The following CADPS variants were observed in gnomAD, a reference collection of about 807,000 sequenced individuals.
CADPS encodes the protein calcium-dependent secretion activator 1.
CADPS carries 57 observed loss-of-function variants against 167.3 expected under a neutral mutation model. The ratio of observed to expected loss-of-function variants is 0.34; its 90% CI spans 0.28 to 0.42. The LOEUF (loss-of-function observed/expected upper bound fraction) is 0.42. CADPS is among the 20% of genes least tolerant of loss of function. CADPS has a pLI of 1.00. For missense variants in CADPS, 1,414 were observed against 1,738.1 expected (o/e 0.81, Z 3.32); for synonymous variants, 676 against 635.3 (o/e 1.06, Z -0.96).
intron 3 of CADPS, among the ~76,000 whole-genome samples, chr3:62,717,017 T>G (rs1274584329): frequency 6.6e-6 from 1 of 152,216 alleles, no homozygotes; most frequent in Non-Finnish European, 1.5e-5. Context: ...AACTTCTTGG[T>G]GGCAGGGCAG....
intron 13 of CADPS, among the ~76,000 whole-genome samples, chr3:62,521,466 CTTTTG>C (rs1297822578): frequency 6.6e-5 from 10 of 152,130 alleles, no homozygotes; most frequent in African/African-American, 2.4e-4. Flanking sequence ...AGACGCCATG[CTTTTG>C]TTTTGTCTTT....
In CADPS at chr3:62,414,273, G is replaced by T. The variant is rs563736951; in HGVS notation, c.3778-11088C>A. Among the ~76,000 whole-genome samples, 22 of 152,250 alleles carry T rather than the reference G, an allele frequency of 1.4e-4. No individual in the cohort carries two copies. In the Middle Eastern group the frequency reaches 0.02, roughly 141 times the overall value. ...AATTTTTCAAGCCAGATCTGCTCAAGCAATACTCAGCCCTGAGACCCCAGT... is the reference window on the plus strand; with the variant it reads ...AATTTTTCAAGCCAGATCTGCTCAATCAATACTCAGCCCTGAGACCCCAGT... On this transcript the variant is annotated intron_variant, in intron 28 of 29. Coordinates refer to ENST00000383710, the MANE Select transcript of CADPS (RefSeq NM_003716.4).
chr3:62,582,108 C>A (rs1275186186), intron 8 of CADPS, among the ~76,000 whole-genome samples: 5 of 152,140 alleles, frequency 3.3e-5, no homozygotes, highest in Non-Finnish European at 7.3e-5. Context: ...TTAGAAAAAA[C>A]CTTAACATGG....
At chr3:62,607,522 T>C (rs2060854250) in intron 6 of CADPS, among the ~76,000 whole-genome samples, 2 of 152,156 alleles carry the variant, frequency 1.3e-5, no homozygotes. Flanking sequence ...CACTTGAGTG[T>C]CCCCAACATT....
At chr3:62,473,914 A>G (rs1260456357) in intron 24 of CADPS, 3 of 343,914 alleles carry the variant, frequency 8.7e-6, no homozygotes, top group Non-Finnish European at 1.6e-5. Context: ...GTCAAACTTC[A>G]TTTAGCTTAG....
intron 1 of CADPS, among the ~76,000 whole-genome samples, chr3:62,866,655 A>G (rs1460178304): frequency 6.6e-6 from 1 of 152,072 alleles, no homozygotes; most frequent in Non-Finnish European, 1.5e-5. Flanking sequence ...GGTGAGGACG[A>G]CATTTTGCAA....
intron 13 of CADPS, among the ~76,000 whole-genome samples, chr3:62,531,442 C>G (rs957091902): frequency 1.3e-5 from 2 of 152,116 alleles, no homozygotes; most frequent in Non-Finnish European, 2.9e-5. Context: ...GTTAAATATT[C>G]AAACCTATGA....
intron 1 of CADPS, among the ~76,000 whole-genome samples, chr3:62,789,909 C>T (rs2092785296): frequency 6.6e-6 from 1 of 152,014 alleles, no homozygotes; most frequent in South Asian, 2.1e-4. Context: ...TTATTGAGGG[C>T]CCACTATGTG....
intron 17 of CADPS, among the ~76,000 whole-genome samples, chr3:62,503,482 G>C (rs1237995791): frequency 6.6e-6 from 1 of 152,210 alleles, no homozygotes; most frequent in Non-Finnish European, 1.5e-5. Flanking sequence ...TTGTGAGAAG[G>C]CTGCAATTAA....
chr3:62,498,138 T>A (rs2065123087), intron 18 of CADPS: 1 of 456,432 alleles, frequency 2.2e-6, no homozygotes, highest in South Asian at 1.5e-5. Context: ...TTCGGTTTAG[T>A]CACATACCTC....
chr3:62,428,277 C>G (rs1412460271), intron 28 of CADPS, among the ~76,000 whole-genome samples: 2 of 144,826 alleles, frequency 1.4e-5, no homozygotes, highest in East Asian at 4.0e-4. Context: ...TAACTTGCAG[C>G]CACCTGGTGG....
At chr3:62,648,941 A>G (rs2069298646) in intron 5 of CADPS, among the ~76,000 whole-genome samples, 1 of 152,136 alleles carries the variant, frequency 6.6e-6, no homozygotes. Flanking sequence ...AGTACTCTAT[A>G]TTTAATTGAA....
At chr3:62,506,069 A>G (rs2066623880) in intron 17 of CADPS, among the ~76,000 whole-genome samples, 1 of 152,202 alleles carries the variant, frequency 6.6e-6, no homozygotes, top group South Asian at 2.1e-4. Context: ...CCAGAGAATA[A>G]CATCAGGTTT....
At chr3:62,822,537 T>C (rs1443940774) in intron 1 of CADPS, among the ~76,000 whole-genome samples, 1 of 151,972 alleles carries the variant, frequency 6.6e-6, no homozygotes, top group African/African-American at 2.4e-5. Flanking sequence ...TCATTTGATA[T>C]AGAAACATTA....
At chr3:62,717,105 TA>T (rs2084819625) in intron 3 of CADPS, among the ~76,000 whole-genome samples, 3 of 152,290 alleles carry the variant, frequency 2.0e-5, no homozygotes, top group South Asian at 4.1e-4. Context: ...TATATGCAAA[TA>T]TCTCCATATC....
chr3:62,839,559 T>A (rs890132475), intron 1 of CADPS, among the ~76,000 whole-genome samples: 1 of 152,030 alleles, frequency 6.6e-6, no homozygotes, highest in Non-Finnish European at 1.5e-5. Flanking sequence ...AGCAGTAGGG[T>A]GAGGCTAGAC....
chr3:62,802,447 C>G (rs1161827919), intron 1 of CADPS, among the ~76,000 whole-genome samples: 1 of 152,136 alleles, frequency 6.6e-6, no homozygotes, highest in Non-Finnish European at 1.5e-5. Context: ...ATTCACTGAG[C>G]CACCTCCCAC....
At chr3:62,466,600 A>T (rs2059962248) in intron 24 of CADPS, 187 bp from the exon 25 acceptor site, 4 of 647,018 alleles carry the variant, frequency 6.2e-6, no homozygotes, top group Non-Finnish European at 1.1e-5. Context: ...TGAAGCTCTT[A>T]AAAATATTAC....
intron 3 of CADPS, among the ~76,000 whole-genome samples, chr3:62,715,796 G>A (rs1408515951): frequency 7.4e-5 from 8 of 108,192 alleles, no homozygotes; most frequent in Middle Eastern, 0.019. Flanking sequence ...TTGCTGTGTC[G>A]CCCAGGCTGG....
Sources: gnomAD v4.1 joint callset for allele counts (sites outside exome capture counted in the v4.1 genomes callset) on GRCh38, gnomAD v4.1.1 for gene constraint, MANE v1.5 for transcripts, NCBI Gene and HGNC (gene_info 2026-07-23, HGNC 2026-07-21) for gene names.